ADAMTS19: variants seen among roughly 807,000 people sequenced by gnomAD.
The protein encoded by ADAMTS19 is ADAM metallopeptidase with thrombospondin type 1 motif 19.
A neutral mutation model predicts 153.3 loss-of-function variants in ADAMTS19; 93 were observed. That is an observed-to-expected ratio of 0.61 (90% CI 0.51 to 0.72). The LOEUF (loss-of-function observed/expected upper bound fraction) is 0.72. ADAMTS19 is among the 30% of genes least tolerant of loss of function. ADAMTS19 has a pLI of 0.00. For missense variants in ADAMTS19, 1,482 were observed against 1,552.1 expected (o/e 0.95, Z 0.76); for synonymous variants, 600 against 556.6 (o/e 1.08, Z -1.10).
intron 21 of ADAMTS19, among the ~76,000 whole-genome samples, chr5:129,730,917 G>A (rs1757413093): frequency 6.8e-6 from 1 of 147,658 alleles, no homozygotes; most frequent in African/African-American, 2.5e-5. Context: ...ATTTGAGATA[G>A]TGTTGTTGTT....
At chr5:129,493,821 G>A (rs1750845405) in intron 2 of ADAMTS19, among the ~76,000 whole-genome samples, 1 of 152,132 alleles carries the variant, frequency 6.6e-6, no homozygotes, top group South Asian at 2.1e-4. Flanking sequence ...GGATACTAGA[G>A]AAGTTCTACC....
chr5:129,664,170 G>A (rs1262628860), intron 15 of ADAMTS19, among the ~76,000 whole-genome samples: 3 of 152,056 alleles, frequency 2.0e-5, no homozygotes. Flanking sequence ...AACAACTCTG[G>A]TTTATAACCT....
chr5:129,614,043 A>C (rs1380378044), intron 8 of ADAMTS19, among the ~76,000 whole-genome samples: 2 of 152,154 alleles, frequency 1.3e-5, no homozygotes, highest in Non-Finnish European at 2.9e-5. Context: ...AGCAATAATT[A>C]ATAGCCTACC....
chr5:129,464,851 A>G (rs759476744), intron 2 of ADAMTS19, among the ~76,000 whole-genome samples: 1 of 152,218 alleles, frequency 6.6e-6, no homozygotes, highest in Non-Finnish European at 1.5e-5. Flanking sequence ...GTATTATTGA[A>G]TAACAGTCTT....
chr5:129,596,478 T>C (rs1210057256), intron 7 of ADAMTS19, 81 bp from the exon 8 acceptor site: 2 of 979,084 alleles, frequency 2.0e-6, no homozygotes, highest in Non-Finnish European at 3.0e-6. Context: ...CAACTGCCAT[T>C]TTCATTCCTG....
At chr5:129,664,306 G>A (rs1490779448) in intron 15 of ADAMTS19, among the ~76,000 whole-genome samples, 1 of 152,022 alleles carries the variant, frequency 6.6e-6, no homozygotes, top group African/African-American at 2.4e-5. Flanking sequence ...GCTCACTGAG[G>A]GTAGAGATCA....
rs746394487 is a variant in ADAMTS19 at position 129,679,870 on chromosome 5, C to T, written c.2613C>T (p.Leu871=). The T allele has an allele frequency of 1.2e-6, 2 of 1,614,058 alleles. No individual in the cohort carries two copies. Among genetic ancestry groups the T allele is most frequent in the African/African-American group, 2.7e-5 (2 of 75,036 alleles). Residue 871 remains leucine (L), a synonymous_variant, in exon 17 of 23, where the codon CTC becomes CTT. Transcript: ENST00000274487. ...GTTVHYVRRG[L]WEKISAKGPT... ...CCGTTCATTATGTAAGACGAGGCCTCTGGGAGAAGATCTCTGCCAAAGGTC... is the reference window on the plus strand; with the variant it reads ...CCGTTCATTATGTAAGACGAGGCCTTTGGGAGAAGATCTCTGCCAAAGGTC...
rs1252368995 is a variant in ADAMTS19, at chr5:129,555,081, G to A, written c.1372+3174G>A. ...CTTCTTTTCTCTTTTATCTATAACC[G>A]ATGTGAAGTCAGCCATTTTACTTTT... is the stretch of plus-strand genomic sequence containing the variant. On this transcript the variant is annotated intron_variant, in intron 7 of 22. Transcript: ENST00000274487. Among the ~76,000 whole-genome samples the A allele has an allele frequency of 2.5e-4, 38 of 152,014 alleles. 1 individual carries two copies. The highest frequency in any genetic ancestry group is 2.1e-4 in the South Asian group (1 of 4,820).
At chr5:129,522,293 G>C (rs1289630339) in intron 3 of ADAMTS19, among the ~76,000 whole-genome samples, 1 of 119,614 alleles carries the variant, frequency 8.4e-6, no homozygotes, top group African/African-American at 3.6e-5. Context: ...TTGTATGTGT[G>C]TGTGTGTATA....
chr5:129,705,322 C>T (rs542786242), intron 21 of ADAMTS19, among the ~76,000 whole-genome samples: 3 of 152,166 alleles, frequency 2.0e-5, no homozygotes, highest in Admixed American at 6.5e-5. Flanking sequence ...ATAAATAACC[C>T]TAAAGGGCTT....
chr5:129,698,316 T>C (rs1221910844), intron 19 of ADAMTS19, among the ~76,000 whole-genome samples: 8 of 152,220 alleles, frequency 5.3e-5, no homozygotes, highest in Non-Finnish European at 1.2e-4. Context: ...TTTCCAAGAC[T>C]TACTGGAAGA....
chr5:129,573,036 A>C (rs1468126870), intron 7 of ADAMTS19, among the ~76,000 whole-genome samples: 2 of 152,034 alleles, frequency 1.3e-5, no homozygotes, highest in Non-Finnish European at 2.9e-5. Flanking sequence ...GCCCTTTGCA[A>C]AGGTACCTAA....
intron 2 of ADAMTS19, among the ~76,000 whole-genome samples, chr5:129,470,203 T>C (rs1328624571): frequency 6.6e-6 from 1 of 152,212 alleles, no homozygotes; most frequent in African/African-American, 2.4e-5. Context: ...CAAAATTCTT[T>C]ATAAGAGCCT....
chr5:129,577,197 A>T (rs1337192569), intron 7 of ADAMTS19, among the ~76,000 whole-genome samples: 1 of 152,148 alleles, frequency 6.6e-6, no homozygotes, highest in African/African-American at 2.4e-5. Flanking sequence ...AGAGAGATGC[A>T]TATTAATGCA....
chr5:129,543,771 A>G (rs927200233), intron 6 of ADAMTS19, among the ~76,000 whole-genome samples: 4 of 152,210 alleles, frequency 2.6e-5, no homozygotes, highest in Non-Finnish European at 5.9e-5. Context: ...ATACTGGAGA[A>G]GTGTTCTCAG....
Position 129,504,872 on chromosome 5 carries a change from GACACACAC to G in ADAMTS19, c.748-4180_748-4173del, listed in dbSNP as rs34742030. On this transcript the variant is annotated intron_variant, in intron 2 of 22. Transcript: ENST00000274487. The stretch of plus-strand genomic sequence containing the variant: ...GTAGTATTCTGTCTACACACACACA[GACACACAC>G]ACACACACACACACACACACACACC... Among the ~76,000 whole-genome samples, 1,090 of 148,218 alleles carry G rather than the reference GACACACAC, an allele frequency of 7.4e-3. 11 individuals are homozygous for G. The highest frequency in any genetic ancestry group is 0.026 in the African/African-American group (1,042 of 40,254).
chr5:129,631,570 T>A (rs965377850), intron 10 of ADAMTS19, among the ~76,000 whole-genome samples: 7 of 152,122 alleles, frequency 4.6e-5, no homozygotes, highest in African/African-American at 1.7e-4. Context: ...ATGCATTATG[T>A]CTTCTTATTG....
chr5:129,726,571 T>A (rs1757220128), intron 21 of ADAMTS19, among the ~76,000 whole-genome samples: 1 of 152,160 alleles, frequency 6.6e-6, no homozygotes, highest in African/African-American at 2.4e-5. Flanking sequence ...CGCCATGGAA[T>A]CTGAAGAAAC....
At chr5:129,526,579 C>T in intron 4 of ADAMTS19, 123 bp downstream of exon 4, 1 of 946,346 alleles carries the variant, frequency 1.1e-6, no homozygotes, top group Admixed American at 3.5e-5. Context: ...TTATTGTCAT[C>T]AGTAAAAAAA....
Sources: gnomAD v4.1 joint callset for allele counts (sites outside exome capture counted in the v4.1 genomes callset) on GRCh38, gnomAD v4.1.1 for gene constraint, MANE v1.5 for transcripts, NCBI Gene and HGNC (gene_info 2026-07-23, HGNC 2026-07-21) for gene names.